The following RAB2B variants were observed in gnomAD, a reference collection of about 807,000 sequenced individuals.
RAB2B encodes the protein ras-related protein Rab-2B.
RAB2B carries 20 observed loss-of-function variants against 29.8 expected under a neutral mutation model. The observed-to-expected ratio is 0.67, with a 90% CI of 0.47 to 0.97. The LOEUF (loss-of-function observed/expected upper bound fraction) is 0.97, where lower values mean the gene tolerates loss of function less well. RAB2B is among the 50% of genes least tolerant of loss of function. The pLI is 0.00. For missense variants in RAB2B, 218 were observed against 272.0 expected (o/e 0.80, Z 1.40); for synonymous variants, 93 against 91.7 (o/e 1.01, Z -0.08).
chr14:21,463,985 C>T (rs1890629743), intron 5 of RAB2B, among the ~76,000 whole-genome samples: 1 of 152,122 alleles, frequency 6.6e-6, no homozygotes, highest in Non-Finnish European at 1.5e-5. Context: ...AAGATAATAC[C>T]TCACTCTATT....
At chr14:21,464,617 G>C (rs1480659388) in intron 5 of RAB2B, among the ~76,000 whole-genome samples, 1 of 151,966 alleles carries the variant, frequency 6.6e-6, no homozygotes, top group Non-Finnish European at 1.5e-5. Context: ...CAGAGACAGT[G>C]ATATGGATAA....
rs201151955 is a variant in RAB2B, at chr14:21,474,868, G to T, written c.185C>A (p.Thr62Lys). Residue 62 changes from threonine (T) to lysine (K), a missense_variant and splice_region_variant, in exon 3 of 8, where the codon ACG (threonine) becomes AAG (lysine). Physicochemically the swap from Thr to Lys is moderately conservative, Grantham distance 78 (BLOSUM62 -1). Coordinates refer to ENST00000397762, the MANE Select transcript of RAB2B (RefSeq NM_032846.4). ...GKQIKLQIWD[T>K]AGQESFRSIT... ...GACTAAATTATTTTGTACTCTCACC[G>T]TATCCCAGATTTGCAGTTTGATTTG... The T allele has an allele frequency of 1.2e-6, 2 of 1,611,334 alleles. No homozygotes were observed. Among genetic ancestry groups the T allele is most frequent in the Non-Finnish European group, 8.5e-7 (1 of 1,177,844 alleles).
chr14:21,470,993 C>CAAAAAAAAAAAAA (rs869211285), intron 3 of RAB2B, among the ~76,000 whole-genome samples: 11 of 98,760 alleles, frequency 1.1e-4, no homozygotes, highest in African/African-American at 3.9e-4. Context: ...GCTAAAAATA[C>CAAAAAAAAAAAAA]AAAAAAAAAA....
chr14:21,476,081 T>TTTTAG (rs1478824167), intron 2 of RAB2B, among the ~76,000 whole-genome samples: 6 of 152,172 alleles, frequency 3.9e-5, no homozygotes, highest in Non-Finnish European at 7.3e-5. Flanking sequence ...AAAGGAAAGT[T>TTTTAG]TTTAGTTTTA....
At chr14:21,473,788 G>A (rs951705764) in intron 3 of RAB2B, among the ~76,000 whole-genome samples, 2 of 152,102 alleles carry the variant, frequency 1.3e-5, no homozygotes, top group African/African-American at 4.8e-5. Flanking sequence ...TGAGGCGGGC[G>A]GATCACGAGG....
intron 5 of RAB2B, 35 bp downstream of exon 5, chr14:21,468,322 C>T (rs1890730480): frequency 6.7e-7 from 1 of 1,501,308 alleles, no homozygotes; most frequent in Non-Finnish European, 9.3e-7. Flanking sequence ...CTAGATGACT[C>T]CTGTTAACTA....
chr14:21,471,445 C>T (rs556578120), intron 3 of RAB2B, among the ~76,000 whole-genome samples: 17 of 151,810 alleles, frequency 1.1e-4, no homozygotes, highest in Middle Eastern at 3.4e-3. Flanking sequence ...GGTGAAACCA[C>T]GCCTCTAAAA....
At chr14:21,474,674 A>G (rs1890904711) in intron 3 of RAB2B, 193 bp downstream of exon 3, 3 of 537,398 alleles carry the variant, frequency 5.6e-6, no homozygotes, top group Non-Finnish European at 1.0e-5. Flanking sequence ...TATTACTTGG[A>G]TCGTTTACAA....
At chr14:21,475,295 A>C (rs75749851) in intron 2 of RAB2B, among the ~76,000 whole-genome samples, 1 of 152,218 alleles carries the variant, frequency 6.6e-6, no homozygotes, top group Admixed American at 6.5e-5. Flanking sequence ...CCAAAAAACT[A>C]AAAATTTTGG....
Position 21,476,837 on chromosome 14 carries a change from G to A in RAB2B, c.36C>T (p.Ile12=). ...CCACCTGAGGGTTACCTGTGTCTCC[G>A]ATGATGATATACTTGAAGAGATAAG... ...TYAYLFKYII[I]GDTGVGKSCL... is the part of the protein sequence containing the mutation. The change falls in exon 1 of 8, where the codon ATC becomes ATT. Residue 12 remains isoleucine, a synonymous_variant. Coordinates refer to ENST00000397762, the MANE Select transcript of RAB2B (RefSeq NM_032846.4). The A allele has an allele frequency of 6.2e-7, 1 of 1,613,232 alleles. No homozygotes were observed. Among genetic ancestry groups the A allele is most frequent in the Non-Finnish European group, 8.5e-7 (1 of 1,179,996 alleles).
chr14:21,471,627 A>AG (rs1408801268), intron 3 of RAB2B, among the ~76,000 whole-genome samples: 15 of 150,860 alleles, frequency 9.9e-5, no homozygotes, highest in Non-Finnish European at 1.8e-4. Flanking sequence ...AAAAAAAAAA[A>AG]AAAAGAAAAG....
rs869211285 is a variant in RAB2B, at chr14:21,470,993, C to CA, written c.187-2242dup. 5.6e-3 allele frequency among the ~76,000 whole-genome samples: 549 copies of CA among 98,664 alleles called. 9 individuals are homozygous for CA. Among genetic ancestry groups the CA allele is most frequent in the African/African-American group, 0.02 (454 of 23,194 alleles). The allele number at this position is 98,664 out of a possible 152,430, so 64.7% of individuals were successfully genotyped here. A position where few individuals can be genotyped will look rare whatever the true frequency, so the allele number is the denominator to read the frequency against. On this transcript the variant is annotated intron_variant, in intron 3 of 7. Coordinates refer to ENST00000397762, the MANE Select transcript of RAB2B (RefSeq NM_032846.4). ...TGAAACCCCATCTCTGCTAAAAATACAAAAAAAAAAAAAAAAAAAAAAAAA... is the reference window on the plus strand; with the variant it reads ...TGAAACCCCATCTCTGCTAAAAATACAAAAAAAAAAAAAAAAAAAAAAAAAA...
chr14:21,471,042 G>A lies in RAB2B; in HGVS notation c.187-2290C>T, dbSNP rs181854222. ...AAAAAAAATAGGTGGGCGTGGTGGC[G>A]CACGCCTGTAATCCCAGCTACTCAG... On this transcript the variant is annotated intron_variant, in intron 3 of 7. Transcript: ENST00000397762. Among the ~76,000 whole-genome samples the A allele has an allele frequency of 3.1e-3, 452 of 147,054 alleles. 2 individuals carry two copies. Among genetic ancestry groups the A allele is most frequent in the Middle Eastern group, 0.011 (3 of 272 alleles).
chr14:21,474,059 T>C (rs943997351), intron 3 of RAB2B, among the ~76,000 whole-genome samples: 1 of 151,574 alleles, frequency 6.6e-6, no homozygotes, highest in Non-Finnish European at 1.5e-5. Flanking sequence ...CGTGTGGTGG[T>C]GGGTGCCTGT....
At chr14:21,461,755 A>C (rs568410604) in intron 7 of RAB2B, among the ~76,000 whole-genome samples, 1 of 152,270 alleles carries the variant, frequency 6.6e-6, no homozygotes, top group East Asian at 1.9e-4. Context: ...CTCATTTTAG[A>C]GACGGAGTCT....
chr14:21,462,202 T>TAA (rs60977608), intron 7 of RAB2B, 148 bp downstream of exon 7: 1,225 of 403,562 alleles, frequency 3.0e-3, no homozygotes, highest in Non-Finnish European at 3.7e-3. Flanking sequence ...TACCTAGATT[T>TAA]AAAAAAAAAA....
Position 21,464,598 on chromosome 14 carries a change from C to T in RAB2B, c.363-831G>A, listed in dbSNP as rs557563795. Among the ~76,000 whole-genome samples, 4 of 151,888 alleles carry T rather than the reference C, an allele frequency of 2.6e-5. No individual in the cohort carries two copies. In the South Asian group the frequency reaches 8.3e-4, roughly 32 times the overall value. On this transcript the variant is annotated intron_variant, in intron 5 of 7. Coordinates refer to ENST00000397762, the MANE Select transcript of RAB2B (RefSeq NM_032846.4). ...AGTGCATATAAAAGCAGCTTGCCACCAGGGAATTCAGAGACAGTGATATGG... is the reference window on the plus strand; with the variant it reads ...AGTGCATATAAAAGCAGCTTGCCACTAGGGAATTCAGAGACAGTGATATGG...
intron 3 of RAB2B, among the ~76,000 whole-genome samples, chr14:21,470,757 G>C (rs1890788813): frequency 2.0e-5 from 3 of 152,074 alleles, no homozygotes; most frequent in South Asian, 2.1e-4. Context: ...AACTAAAAGG[G>C]AAAGTTTGAG....
chr14:21,469,709 G>A (rs2139601282), intron 3 of RAB2B, among the ~76,000 whole-genome samples: 1 of 152,042 alleles, frequency 6.6e-6, no homozygotes, highest in South Asian at 2.1e-4. Flanking sequence ...CTACATAACA[G>A]GAGGTAAGAC....
Sources: allele counts gnomAD v4.1 joint callset (sites outside exome capture counted in the v4.1 genomes callset), GRCh38; gene constraint gnomAD v4.1.1; transcripts MANE v1.5; gene names NCBI Gene and HGNC (gene_info 2026-07-23, HGNC 2026-07-21).